DNAH11: variants seen among roughly 807,000 people sequenced by gnomAD.
The protein encoded by DNAH11 is axonemal beta dynein heavy chain 11.
A neutral mutation model predicts 526.0 loss-of-function variants in DNAH11; 442 were observed. That is an observed-to-expected ratio of 0.84 (90% CI 0.78 to 0.91). The LOEUF is 0.91. Ranked by LOEUF, DNAH11 falls within the 40% of genes least tolerant of loss-of-function variation. The probability of loss-of-function intolerance (pLI) is 0.00; values close to 1 mark genes in which losing one functional copy is unlikely to be tolerated. For missense variants in DNAH11, 6,989 were observed against 5,448.7 expected (o/e 1.28, Z -8.90); for synonymous variants, 2,461 against 1,935.9 (o/e 1.27, Z -7.12).
rs1785776649 is a variant in DNAH11, at chr7:21,616,222, A to C, written c.4025A>C (p.Asn1342Thr). The C allele has an allele frequency of 6.2e-7, 1 of 1,613,468 alleles. No homozygotes were observed. The highest frequency in any genetic ancestry group is 8.5e-7 in the Non-Finnish European group (1 of 1,179,658). ...VIIYVRRSID[N>T]WTKTQWRQIH... is the part of the protein sequence containing the mutation. ...TTGCGTTTTCAGAGAAGCATTGATA[A>C]TTGGACTAAAACCCAGTGGAGACAG... The change falls in exon 22 of 82, where the codon AAT (asparagine) becomes ACT (threonine). Residue 1342 changes from asparagine to threonine, a missense_variant. Physicochemically the swap from Asn to Thr is moderately conservative, Grantham distance 65 (BLOSUM62 0). Coordinates refer to ENST00000409508, the MANE Select transcript of DNAH11 (RefSeq NM_001277115.2).
intron 1 of DNAH11, chr7:21,543,818 A>T (rs571029084): frequency 5.2e-6 from 3 of 573,356 alleles, no homozygotes; most frequent in African/African-American, 3.8e-5. Flanking sequence ...TTTGTATCTG[A>T]CCGAGAATCC....
chr7:21,816,746 G>C (rs774376430), intron 64 of DNAH11, 44 bp downstream of exon 64: 57 of 1,534,812 alleles, frequency 3.7e-5, no homozygotes, highest in South Asian at 4.6e-5. Flanking sequence ...TACCTGCTGT[G>C]AAGTGGGTCT....
At chr7:21,834,264 C>T (rs1460752025) in intron 65 of DNAH11, among the ~76,000 whole-genome samples, 1 of 151,472 alleles carries the variant, frequency 6.6e-6, no homozygotes, top group Admixed American at 6.6e-5. Flanking sequence ...ACAAACGGGT[C>T]AAAAAGAAAA....
At chr7:21,738,021 A>G (rs6971593) in intron 46 of DNAH11, among the ~76,000 whole-genome samples, 79,491 of 151,946 alleles carry the variant, frequency 0.52, 23,693 homozygotes, top group Non-Finnish European at 0.68. Context: ...GTGGTATAGC[A>G]ATGAATATGA....
chr7:21,606,749 A>C lies in DNAH11; in HGVS notation c.3852+16A>C, dbSNP rs72657306. On this transcript the variant is annotated intron_variant, in intron 20 of 81. Transcript: ENST00000409508. ...GCTTGATAAGGTAATACAGATCTCA[A>C]ATATCCTGTGTGCATTAAAATAGCT... The C allele has an allele frequency of 1.3e-6, 2 of 1,588,066 alleles. No individual in the cohort carries two copies. Among genetic ancestry groups the C allele is most frequent in the South Asian group, 1.2e-5 (1 of 86,892 alleles).
rs141028168 is a variant in DNAH11 at position 21,686,210 on chromosome 7, C to G, written c.5622-889C>G. 2.0e-5 allele frequency among the ~76,000 whole-genome samples: 3 copies of G among 152,224 alleles called. No homozygotes were observed. The East Asian group carries it at 5.8e-4, about 29-fold the overall frequency. Reference sequence around the variant, plus strand: ...CTTTGGCCTTCTGAATATATTCCTACAATTAACCTCATTTAATAGAGGAGA... The same window carrying G: ...CTTTGGCCTTCTGAATATATTCCTAGAATTAACCTCATTTAATAGAGGAGA... On this transcript the variant is annotated intron_variant, in intron 32 of 81. Transcript: ENST00000409508.
chr7:21,709,117 A>G (rs1784372390), intron 40 of DNAH11, among the ~76,000 whole-genome samples: 1 of 152,226 alleles, frequency 6.6e-6, no homozygotes, highest in South Asian at 2.1e-4. Context: ...CCAAAAAGAC[A>G]CATTCACTCA....
At chr7:21,573,741 C>G (rs1281285645) in intron 8 of DNAH11, among the ~76,000 whole-genome samples, 1 of 152,072 alleles carries the variant, frequency 6.6e-6, no homozygotes, top group Non-Finnish European at 1.5e-5. Context: ...TCTGCCCTTC[C>G]CCTCCCATTG....
At chr7:21,563,753 G>C (rs1377518348) in intron 5 of DNAH11, among the ~76,000 whole-genome samples, 1 of 152,130 alleles carries the variant, frequency 6.6e-6, no homozygotes. Context: ...AAACTGGAAT[G>C]AGAGAGTAAA....
intron 44 of DNAH11, among the ~76,000 whole-genome samples, chr7:21,723,950 G>T (rs1289726729): frequency 6.6e-6 from 1 of 152,174 alleles, no homozygotes; most frequent in African/African-American, 2.4e-5. Flanking sequence ...TGCGTTTGTT[G>T]GCTTAGCCTC....
chr7:21,799,735 A>G (rs1211402365), intron 61 of DNAH11, among the ~76,000 whole-genome samples: 1 of 152,234 alleles, frequency 6.6e-6, no homozygotes, highest in Non-Finnish European at 1.5e-5. Context: ...TGATGTATAT[A>G]CATATTTGTG....
chr7:21,768,521 A>G (rs995309111), intron 55 of DNAH11, among the ~76,000 whole-genome samples: 1 of 152,076 alleles, frequency 6.6e-6, no homozygotes, highest in African/African-American at 2.4e-5. Context: ...GAGCAAGGTG[A>G]AAGAGGTCAT....
intron 46 of DNAH11, among the ~76,000 whole-genome samples, chr7:21,737,300 A>G (rs1311498257): frequency 6.6e-6 from 1 of 152,228 alleles, no homozygotes; most frequent in Non-Finnish European, 1.5e-5. Context: ...TTGGAGTTAT[A>G]CTGCAGATAG....
chr7:21,621,191 C>G (rs543269461), intron 25 of DNAH11, among the ~76,000 whole-genome samples: 28 of 152,282 alleles, frequency 1.8e-4, no homozygotes, highest in Admixed American at 1.8e-3. Flanking sequence ...ATACTACAAA[C>G]ACCTCTATGC....
chr7:21,705,061 A>G (rs938058992), intron 38 of DNAH11, among the ~76,000 whole-genome samples: 6 of 152,208 alleles, frequency 3.9e-5, no homozygotes, highest in African/African-American at 9.6e-5. Context: ...ATATTTTTCA[A>G]TTTGAATTCA....
chr7:21,740,324 T>C (rs1019837495), intron 48 of DNAH11, among the ~76,000 whole-genome samples: 6 of 152,142 alleles, frequency 3.9e-5, no homozygotes, highest in African/African-American at 1.4e-4. Flanking sequence ...TCACCACCCA[T>C]CTCCATAACT....
intron 49 of DNAH11, among the ~76,000 whole-genome samples, chr7:21,743,112 T>C (rs1785986657): frequency 6.6e-6 from 1 of 152,232 alleles, no homozygotes; most frequent in South Asian, 2.1e-4. Flanking sequence ...GCAATTAAGT[T>C]TCAAGACATG....
chr7:21,885,869 C>G (rs912381981), intron 76 of DNAH11, among the ~76,000 whole-genome samples: 4 of 152,154 alleles, frequency 2.6e-5, no homozygotes, highest in African/African-American at 9.7e-5. Flanking sequence ...CATTTCTCAT[C>G]TTAGTAACCC....
intron 37 of DNAH11, 137 bp from the exon 38 acceptor site, chr7:21,704,297 A>C: frequency 1.2e-6 from 1 of 833,510 alleles, no homozygotes; most frequent in Non-Finnish European, 1.8e-6. Context: ...CCCTATTGAT[A>C]GAATGCCATC....
Sources: allele counts gnomAD v4.1 joint callset (sites outside exome capture counted in the v4.1 genomes callset), GRCh38; gene constraint gnomAD v4.1.1; transcripts MANE v1.5; gene names NCBI Gene and HGNC (gene_info 2026-07-23, HGNC 2026-07-21).